Variants in GRM8 observed in about 807,000 individuals in gnomAD.
GRM8 encodes glutamate metabotropic receptor 8.
In GRM8, 47 loss-of-function variants were observed where a neutral mutation model predicts 87.2. The ratio of observed to expected loss-of-function variants is 0.54; its 90% CI spans 0.43 to 0.69. The LOEUF (loss-of-function observed/expected upper bound fraction) is 0.69, where lower values mean the gene tolerates loss of function less well. GRM8 is among the 30% of genes least tolerant of loss of function. GRM8 has a pLI of 0.00. For synonymous variants in GRM8, 396 were observed against 404.5 expected (o/e 0.98, Z 0.25); for missense variants, 1,019 against 1,139.2 (o/e 0.89, Z 1.52).
At chr7:126,754,955 G>GAA (rs67908856) in intron 7 of GRM8, among the ~76,000 whole-genome samples, 5 of 149,684 alleles carry the variant, frequency 3.3e-5, no homozygotes, top group African/African-American at 9.8e-5. Flanking sequence ...ATGCTAAAAA[G>GAA]AAAAAAAAAA....
intron 2 of GRM8, among the ~76,000 whole-genome samples, chr7:127,177,920 G>T (rs1173485128): frequency 6.6e-6 from 1 of 151,930 alleles, no homozygotes. Context: ...ACCAACCCTG[G>T]TAATATGACA....
intron 3 of GRM8, among the ~76,000 whole-genome samples, chr7:126,974,539 G>A (rs974125699): frequency 6.6e-5 from 10 of 151,812 alleles, no homozygotes; most frequent in African/African-American, 2.2e-4. Context: ...AGAAAATATG[G>A]GGAAAAAAGT....
chr7:126,898,828 G>A (rs1801790139), intron 6 of GRM8, among the ~76,000 whole-genome samples: 1 of 152,112 alleles, frequency 6.6e-6, no homozygotes. Context: ...TTGTTACATA[G>A]GTATACATGT....
Position 127,190,264 on chromosome 7 carries a change from T to C in GRM8, c.510+52431A>G, listed in dbSNP as rs17865502. Among the ~76,000 whole-genome samples the C allele has an allele frequency of 6.3e-4, 96 of 152,304 alleles. 1 individual carries two copies. Among genetic ancestry groups the C allele is most frequent in the African/African-American group, 2.3e-3 (94 of 41,564 alleles). ...GAGCTGGTATACCCTCATCTCTACC[T>C]CATTCTAGTAGCCAAAGCAAGCCAC... On this transcript the variant is annotated intron_variant, in intron 2 of 10. Coordinates refer to ENST00000339582, the MANE Select transcript of GRM8 (RefSeq NM_000845.3).
Position 126,649,239 on chromosome 7 carries a change from T to C in GRM8, c.1358-39741A>G, listed in dbSNP as rs1803517449. Among the ~76,000 whole-genome samples the C allele has an allele frequency of 2.0e-5, 3 of 152,118 alleles. No individual in the cohort carries two copies. In the South Asian group the frequency reaches 6.2e-4, roughly 32 times the overall value. On this transcript the variant is annotated intron_variant, in intron 7 of 10. Transcript: ENST00000339582. ...TCTGTGAGGGTGTTGCCAAAGGAGA[T>C]TAACATTGAATCAGTGGGCTGTGAA...
chr7:126,632,828 A>G (rs1002585712), intron 7 of GRM8, among the ~76,000 whole-genome samples: 7 of 152,164 alleles, frequency 4.6e-5, no homozygotes, highest in Admixed American at 1.3e-4. Flanking sequence ...TAGGAGCTGA[A>G]TGATGGGCAC....
intron 8 of GRM8, among the ~76,000 whole-genome samples, chr7:126,542,884 G>A (rs542133144): frequency 2.6e-5 from 4 of 152,330 alleles, no homozygotes; most frequent in East Asian, 3.9e-4. Flanking sequence ...AAGACTTTGT[G>A]AATTATGTCT....
intron 6 of GRM8, among the ~76,000 whole-genome samples, chr7:126,806,433 A>G (rs937444432): frequency 6.6e-6 from 1 of 152,246 alleles, no homozygotes; most frequent in Non-Finnish European, 1.5e-5. Flanking sequence ...TCCAAAGTCC[A>G]GAAGAGGACC....
At chr7:127,081,604 C>A (rs1822872743) in intron 3 of GRM8, among the ~76,000 whole-genome samples, 1 of 152,102 alleles carries the variant, frequency 6.6e-6, no homozygotes. Flanking sequence ...ACACCTAGTA[C>A]TGTGCCTGGG....
Position 126,575,727 on chromosome 7 carries a change from C to A in GRM8, c.1494+33635G>T, listed in dbSNP as rs181091171. Reference sequence around the variant, plus strand: ...ACACACTGTTTTTTGAAATTGTAAGCCTGTGATACTCTCGCATTTGTGAGA... The same window carrying A: ...ACACACTGTTTTTTGAAATTGTAAGACTGTGATACTCTCGCATTTGTGAGA... On this transcript the variant is annotated intron_variant, in intron 8 of 10. Coordinates refer to ENST00000339582, the MANE Select transcript of GRM8 (RefSeq NM_000845.3). Among the ~76,000 whole-genome samples, 3 of 152,160 alleles carry A rather than the reference C, an allele frequency of 2.0e-5. No homozygotes were observed. The East Asian group carries it at 5.8e-4, about 29-fold the overall frequency.
intron 7 of GRM8, among the ~76,000 whole-genome samples, chr7:126,736,884 A>G (rs1814292358): frequency 6.6e-6 from 1 of 152,044 alleles, no homozygotes; most frequent in African/African-American, 2.4e-5. Context: ...CCTAATGATA[A>G]CCTTGAAACC....
In GRM8 at chr7:126,685,730, C is replaced by T. The variant is rs1268675275; in HGVS notation, c.1358-76232G>A. ...GAGGCACAAGGGGTGCTGAGGACAG[C>T]GGGGTACTGGCCTGCAGGCGCCCCT... On this transcript the variant is annotated intron_variant, in intron 7 of 10. Transcript: ENST00000339582. The surrounding 1 kb of genome is among the most constrained non-coding windows in gnomAD (Gnocchi z 4.2). 4.6e-5 allele frequency among the ~76,000 whole-genome samples: 7 copies of T among 152,072 alleles called. No individual in the cohort carries two copies. The highest frequency in any genetic ancestry group is 5.9e-5 in the Non-Finnish European group (4 of 68,000).
chr7:126,491,101 A>T (rs1331954447), intron 9 of GRM8, among the ~76,000 whole-genome samples: 1 of 152,058 alleles, frequency 6.6e-6, no homozygotes, highest in Non-Finnish European at 1.5e-5. Flanking sequence ...TTGAATCTAT[A>T]ATTACCCTAT....
intron 2 of GRM8, among the ~76,000 whole-genome samples, chr7:127,193,948 C>T (rs554469687): frequency 3.5e-4 from 54 of 152,178 alleles, no homozygotes; most frequent in Non-Finnish European, 7.4e-4. Flanking sequence ...ATGAATTATA[C>T]TTGAAGCATG....
intron 2 of GRM8, among the ~76,000 whole-genome samples, chr7:127,166,768 C>T (rs1424308004): frequency 6.6e-6 from 1 of 152,074 alleles, no homozygotes; most frequent in African/African-American, 2.4e-5. Context: ...CTCTCACATC[C>T]TTATGGAGTC....
chr7:126,439,270 T>C, intron 10 of GRM8, 102 bp from the exon 11 acceptor site: 1 of 748,338 alleles, frequency 1.3e-6, no homozygotes, highest in South Asian at 1.5e-5. Flanking sequence ...TTTAATAATA[T>C]CCAGCTTTTA....
chr7:127,034,306 T>C (rs1439632440), intron 3 of GRM8, among the ~76,000 whole-genome samples: 2 of 152,178 alleles, frequency 1.3e-5, no homozygotes, highest in African/African-American at 4.8e-5. Context: ...AGCTGGCCTG[T>C]TATGATATGT....
chr7:126,659,417 T>C (rs372605558), intron 7 of GRM8, among the ~76,000 whole-genome samples: 1 of 152,222 alleles, frequency 6.6e-6, no homozygotes, highest in Non-Finnish European at 1.5e-5. Flanking sequence ...TACTTCACTA[T>C]ACATACATAT....
intron 3 of GRM8, among the ~76,000 whole-genome samples, chr7:127,105,667 C>T (rs1235275713): frequency 6.6e-6 from 1 of 152,128 alleles, no homozygotes; most frequent in East Asian, 1.9e-4. Context: ...AATTTTTCCA[C>T]AAAATATTAC....
Sources: allele counts gnomAD v4.1 joint callset (sites outside exome capture counted in the v4.1 genomes callset), GRCh38; gene constraint gnomAD v4.1.1; non-coding constraint Gnocchi (gnomAD v3.1); transcripts MANE v1.5; gene names NCBI Gene and HGNC (gene_info 2026-07-23, HGNC 2026-07-21).